The following GDNF variants were observed in gnomAD, a reference collection of about 807,000 sequenced individuals.
GDNF encodes the protein glial cell line-derived neurotrophic factor.
A neutral mutation model predicts 13.7 loss-of-function variants in GDNF; 5 were observed. The ratio of observed to expected loss-of-function variants is 0.36; its 90% CI spans 0.19 to 0.77. The LOEUF (loss-of-function observed/expected upper bound fraction) is 0.77. GDNF is among the 30% of genes least tolerant of loss of function. The pLI, the probability that GDNF is intolerant of heterozygous loss-of-function variation, is 0.51. For missense variants in GDNF, 246 were observed against 274.3 expected, an observed-to-expected ratio of 0.90 and a Z score of 0.73; for synonymous variants, 122 against 112.5, an observed-to-expected ratio of 1.08 and a Z score of -0.53.
chr5:37,819,140 A>G (rs1750034169), intron 2 of GDNF, among the ~76,000 whole-genome samples: 1 of 152,116 alleles, frequency 6.6e-6, no homozygotes. Context: ...TCATTTTACT[A>G]GGCGGAAAGA....
chr5:37,838,140 G>A lies in GDNF; in HGVS notation c.-27+1367C>T, dbSNP rs920205970. ...CCCATAACTGCGGGGCCCAAGATGA[G>A]GGAAGGAAAAAGAATTTGGGACACT... On this transcript the variant is annotated intron_variant, in intron 1 of 2. Transcript: ENST00000326524. The surrounding 1 kb of genome is among the most constrained non-coding windows in gnomAD (Gnocchi z 4.1). 5.3e-5 allele frequency among the ~76,000 whole-genome samples: 8 copies of A among 152,162 alleles called. No individual in the cohort carries two copies. The South Asian group carries it at 1.2e-3, about 24-fold the overall frequency.
intron 2 of GDNF, among the ~76,000 whole-genome samples, chr5:37,831,330 G>C (rs568172022): frequency 6.6e-6 from 1 of 152,292 alleles, no homozygotes; most frequent in South Asian, 2.1e-4. Context: ...GGTGTATCAA[G>C]GTATCCCTAG....
rs944357950 is a variant in GDNF, at chr5:37,815,300, G to A, written c.*351C>T. 1.1e-5 allele frequency: 4 copies of A among 356,416 alleles called. No individual in the cohort carries two copies. Among genetic ancestry groups the A allele is most frequent in the South Asian group, 5.8e-5 (2 of 34,552 alleles). The allele number at this position is 356,416 out of a possible 1,614,324, so 22.1% of individuals were successfully genotyped here. The stretch of plus-strand genomic sequence containing the variant: ...TGGTTCAAGTGCATCCACCGCAACC[G>A]CGCCGGTAATCAGTGATGGTGGACT... On this transcript the variant is annotated 3_prime_UTR_variant, in exon 3 of 3. Coordinates refer to ENST00000326524, the MANE Select transcript of GDNF (RefSeq NM_000514.4). This position sits in a 1 kb window ranked among gnomAD's most constrained non-coding sequence, Gnocchi z 5.0.
intron 2 of GDNF, among the ~76,000 whole-genome samples, chr5:37,827,208 T>TA (rs768949479): frequency 2.1e-3 from 296 of 142,038 alleles, no homozygotes; most frequent in East Asian, 0.012. Context: ...TCCTGGGTTT[T>TA]AAAAAAAAAA....
Position 37,815,308 on chromosome 5 carries a change from A to G in GDNF, c.*343T>C. 1 of 375,400 alleles carries G rather than the reference A, an allele frequency of 2.7e-6. No individual in the cohort carries two copies. Among genetic ancestry groups the G allele is most frequent in the South Asian group, 2.8e-5 (1 of 36,202 alleles). 23.3% of individuals were successfully genotyped at this position (375,400 alleles called of 1,614,324 possible). On this transcript the variant is annotated 3_prime_UTR_variant, in exon 3 of 3. Coordinates refer to ENST00000326524, the MANE Select transcript of GDNF (RefSeq NM_000514.4). The surrounding 1 kb of genome is among the most constrained non-coding windows in gnomAD (Gnocchi z 5.0). ...GTGCATCCACCGCAACCGCGCCGGT[A>G]ATCAGTGATGGTGGACTGTATCAGC...
chr5:37,835,847 G>A (rs1049432801), intron 1 of GDNF: 6 of 639,678 alleles, frequency 9.4e-6, no homozygotes, highest in South Asian at 1.8e-5. Context: ...GGCACTGGAA[G>A]GCCTAGACCG....
At chr5:37,823,544 C>T (rs956947864) in intron 2 of GDNF, among the ~76,000 whole-genome samples, 13 of 152,204 alleles carry the variant, frequency 8.5e-5, no homozygotes, top group Admixed American at 7.2e-4. Flanking sequence ...TTGCATATCA[C>T]GCTAAGACAG....
chr5:37,828,256 G>A (rs927212407), intron 2 of GDNF, among the ~76,000 whole-genome samples: 2 of 152,206 alleles, frequency 1.3e-5, no homozygotes, highest in Admixed American at 6.5e-5. Flanking sequence ...CACTTGAGGA[G>A]ACCTTGCTTT....
Position 37,838,970 on chromosome 5 carries a change from G to C in GDNF, c.-27+537C>G, listed in dbSNP as rs1348055244. The stretch of plus-strand genomic sequence containing the variant: ...CCGGGTGAGGAATGTAGCTTTGCCA[G>C]ACCTCGCCCGGAGGAGGTGAGCCCT... On this transcript the variant is annotated intron_variant, in intron 1 of 2. Transcript: ENST00000326524. This position sits in a 1 kb window ranked among gnomAD's most constrained non-coding sequence, Gnocchi z 4.1. Among the ~76,000 whole-genome samples the C allele has an allele frequency of 2.6e-5, 4 of 152,148 alleles. No individual in the cohort carries two copies. Among genetic ancestry groups the C allele is most frequent in the Non-Finnish European group, 5.9e-5 (4 of 68,018 alleles).
At chr5:37,816,673 C>T (rs1175327107) in intron 2 of GDNF, among the ~76,000 whole-genome samples, 1 of 152,136 alleles carries the variant, frequency 6.6e-6, no homozygotes, top group Non-Finnish European at 1.5e-5. Flanking sequence ...ACCAAAGATC[C>T]ACGCACTAAA....
intron 2 of GDNF, among the ~76,000 whole-genome samples, chr5:37,818,267 C>T (rs2910708): frequency 0.44 from 66,595 of 152,102 alleles, 15,462 homozygotes; most frequent in East Asian, 0.55. Context: ...CCATAATCCC[C>T]ACATGTTGTG....
chr5:37,815,537 C>T lies in GDNF; in HGVS notation c.*114G>A. ...TCCTCCTCCTCTTCTTCTTCCTCCT[C>T]CTCCGCCTCCTTGGTCCTCATCTTC... is the stretch of plus-strand genomic sequence containing the variant. On this transcript the variant is annotated 3_prime_UTR_variant, in exon 3 of 3. Coordinates refer to ENST00000326524, the MANE Select transcript of GDNF (RefSeq NM_000514.4). The surrounding 1 kb of genome is among the most constrained non-coding windows in gnomAD (Gnocchi z 5.0). The T allele has an allele frequency of 1.0e-6, 1 of 983,428 alleles. No individual in the cohort carries two copies. Among genetic ancestry groups the T allele is most frequent in the South Asian group, 1.3e-5 (1 of 75,468 alleles). The allele number at this position is 983,428 out of a possible 1,614,324, so 60.9% of individuals were successfully genotyped here.
rs1454509433 is a variant in GDNF, at chr5:37,839,018, T to C, written c.-27+489A>G. Among the ~76,000 whole-genome samples the C allele has an allele frequency of 6.6e-6, 1 of 152,120 alleles. No homozygotes were observed. The highest frequency in any genetic ancestry group is 1.5e-5 in the Non-Finnish European group (1 of 68,010). On this transcript the variant is annotated intron_variant, in intron 1 of 2. Transcript: ENST00000326524. The surrounding 1 kb of genome is among the most constrained non-coding windows in gnomAD (Gnocchi z 5.5). ...CCTCCATTTTTAGGTTCTCAGCACC[T>C]TTGCAGCAGCCCCTCCCCCGGCCTG...
chr5:37,817,509 T>C (rs1016185271), intron 2 of GDNF, among the ~76,000 whole-genome samples: 1 of 152,210 alleles, frequency 6.6e-6, no homozygotes, highest in African/African-American at 2.4e-5. Flanking sequence ...CAAATTGTTT[T>C]GTCATAAACC....
chr5:37,832,616 T>A (rs1377651777), intron 2 of GDNF, among the ~76,000 whole-genome samples: 1 of 152,228 alleles, frequency 6.6e-6, no homozygotes, highest in East Asian at 1.9e-4. Context: ...GCATCAATTT[T>A]GGAAAAGGGA....
intron 2 of GDNF, among the ~76,000 whole-genome samples, chr5:37,828,293 T>G (rs1187636850): frequency 6.6e-6 from 1 of 152,210 alleles, no homozygotes; most frequent in South Asian, 2.1e-4. Flanking sequence ...GAGCCTTCTC[T>G]CATTGCAAAA....
intron 2 of GDNF, among the ~76,000 whole-genome samples, chr5:37,831,247 A>G (rs1750513843): frequency 6.6e-6 from 1 of 152,092 alleles, no homozygotes; most frequent in African/African-American, 2.4e-5. Flanking sequence ...TTTCACGTTG[A>G]TTTTTTCATA....
At chr5:37,832,920 A>G (rs1226109917) in intron 2 of GDNF, among the ~76,000 whole-genome samples, 1 of 152,218 alleles carries the variant, frequency 6.6e-6, no homozygotes, top group African/African-American at 2.4e-5. Flanking sequence ...TTCCCAAAGG[A>G]CTTTAGGACA....
chr5:37,817,332 A>C (rs539252379), intron 2 of GDNF, among the ~76,000 whole-genome samples: 1 of 152,338 alleles, frequency 6.6e-6, no homozygotes, highest in South Asian at 2.1e-4. Flanking sequence ...TTTCTTGGGT[A>C]GTAGGCCTCT....
Sources: allele counts gnomAD v4.1 joint callset (sites outside exome capture counted in the v4.1 genomes callset), GRCh38; gene constraint gnomAD v4.1.1; non-coding constraint Gnocchi (gnomAD v3.1); transcripts MANE v1.5; gene names NCBI Gene and HGNC (gene_info 2026-07-23, HGNC 2026-07-21).